IL1RAPL2: variants seen among roughly 807,000 people sequenced by gnomAD.
The protein encoded by IL1RAPL2 is interleukin 1 receptor accessory protein like 2.
Under a neutral mutation model 44.1 loss-of-function variants are expected in IL1RAPL2, and 3 were observed. That is an observed-to-expected ratio of 0.07 (90% CI 0.03 to 0.18). IL1RAPL2 has a LOEUF of 0.18. Among genes scored for constraint, IL1RAPL2 ranks in the 10% least tolerant of loss-of-function variants. The probability of loss-of-function intolerance (pLI) is 1.00; values close to 1 mark genes in which losing one functional copy is unlikely to be tolerated. For missense variants in IL1RAPL2, 391 were observed against 496.4 expected, an observed-to-expected ratio of 0.79 and a Z score of 2.02; for synonymous variants, 181 against 178.8, an observed-to-expected ratio of 1.01 and a Z score of -0.10.
intron 5 of IL1RAPL2, among the ~76,000 whole-genome samples, chrX:105,302,116 G>A (rs1356948064): frequency 2.7e-5 from 3 of 112,123 alleles, no homozygotes; most frequent in Non-Finnish European, 5.6e-5. Context: ...GATGATCAGT[G>A]ATGTTGAGTA....
intron 2 of IL1RAPL2, among the ~76,000 whole-genome samples, chrX:104,823,465 T>C (rs1921364246): frequency 9.1e-6 from 1 of 109,886 alleles, no homozygotes; most frequent in African/African-American, 3.3e-5. Flanking sequence ...TTCCATGGTG[T>C]ATATGTGCCA....
At chrX:105,075,085 A>T (rs1436912705) in intron 2 of IL1RAPL2, among the ~76,000 whole-genome samples, 1 of 111,306 alleles carries the variant, frequency 9.0e-6, no homozygotes, top group Non-Finnish European at 1.9e-5. Context: ...TATGTTGAAT[A>T]GGAGTGGTGA....
intron 2 of IL1RAPL2, among the ~76,000 whole-genome samples, chrX:105,082,609 C>A (rs1340690061): frequency 9.0e-6 from 1 of 111,425 alleles, no homozygotes; most frequent in Non-Finnish European, 1.9e-5. Flanking sequence ...AAAGAACAGG[C>A]AGCAATCTTT....
chrX:105,333,576 C>T (rs777362667), intron 5 of IL1RAPL2, among the ~76,000 whole-genome samples: 3 of 111,449 alleles, frequency 2.7e-5, no homozygotes, highest in African/African-American at 9.8e-5. Flanking sequence ...AGTGAAGAGA[C>T]AACCCACAGA....
chrX:104,627,324 G>A (rs1929530772), intron 1 of IL1RAPL2, among the ~76,000 whole-genome samples: 1 of 83,274 alleles, frequency 1.2e-5, no homozygotes, highest in Non-Finnish European at 2.3e-5. Context: ...CACACTCCGG[G>A]GCCTGTTGTG....
intron 3 of IL1RAPL2, among the ~76,000 whole-genome samples, chrX:105,198,446 G>A (rs2033689492): frequency 8.9e-6 from 1 of 111,920 alleles, no homozygotes; most frequent in African/African-American, 3.2e-5. Context: ...TAAACTTTAA[G>A]AAGTCTTCGA....
chrX:104,964,586 C>T (rs190953756), intron 2 of IL1RAPL2, among the ~76,000 whole-genome samples: 1 of 110,607 alleles, frequency 9.0e-6, no homozygotes, highest in East Asian at 2.9e-4. Flanking sequence ...GCTGGGATTA[C>T]AGGCATGAGC....
At chrX:105,323,462 C>T (rs780925722) in intron 5 of IL1RAPL2, among the ~76,000 whole-genome samples, 20 of 111,737 alleles carry the variant, frequency 1.8e-4, no homozygotes, top group Non-Finnish European at 3.0e-4. Context: ...CAGTGCTGTG[C>T]GCATTATATT....
chrX:105,233,240 C>T (rs1556197771), intron 3 of IL1RAPL2, among the ~76,000 whole-genome samples: 1 of 111,487 alleles, frequency 9.0e-6, no homozygotes, highest in African/African-American at 3.3e-5. Flanking sequence ...GCAGAGATAG[C>T]GCCACTGCAC....
chrX:105,157,518 A>T (rs902008110), intron 2 of IL1RAPL2, among the ~76,000 whole-genome samples: 1 of 112,516 alleles, frequency 8.9e-6, no homozygotes, highest in African/African-American at 3.2e-5. Context: ...ATCTTGTAAA[A>T]CATAGATTGG....
At chrX:104,795,729 G>A in intron 2 of IL1RAPL2, among the ~76,000 whole-genome samples, 1 of 111,487 alleles carries the variant, frequency 9.0e-6, no homozygotes, top group Non-Finnish European at 1.9e-5. Context: ...TCCTACTGCT[G>A]GGACTTGGTC....
chrX:105,393,026 G>A (rs946671075), intron 5 of IL1RAPL2, among the ~76,000 whole-genome samples: 1 of 112,577 alleles, frequency 8.9e-6, no homozygotes, highest in African/African-American at 3.2e-5. Flanking sequence ...CTGCTGCACA[G>A]ACAAAATCAA....
chrX:104,605,840 C>CA (rs1928996821), intron 1 of IL1RAPL2, among the ~76,000 whole-genome samples: 1 of 110,919 alleles, frequency 9.0e-6, no homozygotes, highest in Non-Finnish European at 1.9e-5. Flanking sequence ...GCCTACCAAC[C>CA]AAAAAAAGCC....
chrX:104,987,460 T>A (rs1392250882), intron 2 of IL1RAPL2, among the ~76,000 whole-genome samples: 1 of 110,358 alleles, frequency 9.1e-6, no homozygotes, highest in Non-Finnish European at 1.9e-5. Context: ...AAGGAACATT[T>A]AGGGCTTAAA....
chrX:104,825,237 G>C (rs191485633), intron 2 of IL1RAPL2, among the ~76,000 whole-genome samples: 1 of 111,725 alleles, frequency 9.0e-6, no homozygotes, highest in African/African-American at 3.3e-5. Flanking sequence ...CAAAGCTTTG[G>C]GGGTTAGCTC....
chrX:105,028,110 G>T (rs1021469187), intron 2 of IL1RAPL2, among the ~76,000 whole-genome samples: 4 of 110,898 alleles, frequency 3.6e-5, no homozygotes, highest in African/African-American at 1.3e-4. Flanking sequence ...TCTCACCTAT[G>T]GGATCTAAAA....
chrX:104,667,833 C>G (rs73635154), intron 2 of IL1RAPL2, among the ~76,000 whole-genome samples: 5,814 of 111,216 alleles, frequency 0.052, 390 homozygotes, highest in African/African-American at 0.18. Context: ...ATTTACAACT[C>G]TTATAAAAGG....
intron 5 of IL1RAPL2, among the ~76,000 whole-genome samples, chrX:105,332,522 A>G (rs912978810): frequency 1.8e-5 from 2 of 111,794 alleles, no homozygotes; most frequent in African/African-American, 6.5e-5. Context: ...AGCTAGAGCA[A>G]TCAGACAAGA....
intron 6 of IL1RAPL2, among the ~76,000 whole-genome samples, chrX:105,620,346 CAGTT>C (rs907659669): frequency 9.0e-6 from 1 of 111,147 alleles, no homozygotes; most frequent in African/African-American, 3.3e-5. Flanking sequence ...CCAGATTACA[CAGTT>C]AGTAAATTAT....
Sources: gnomAD v4.1 joint callset for allele counts (sites outside exome capture counted in the v4.1 genomes callset) on GRCh38, gnomAD v4.1.1 for gene constraint, MANE v1.5 for transcripts, NCBI Gene and HGNC (gene_info 2026-07-23, HGNC 2026-07-21) for gene names.